The following RAP1GDS1 variants were observed in gnomAD, a reference collection of about 807,000 sequenced individuals.
RAP1GDS1 encodes RAP1, GTP-GDP dissociation stimulator 1.
In RAP1GDS1, 35 loss-of-function variants were observed where a neutral mutation model predicts 71.1. The observed-to-expected ratio is 0.49, with a 90% confidence interval of 0.38 to 0.65. The LOEUF is 0.65. RAP1GDS1 is among the 30% of genes least tolerant of loss of function. RAP1GDS1 has a pLI of 0.00. For synonymous variants in RAP1GDS1, 229 were observed against 243.1 expected (o/e 0.94, Z 0.54); for missense variants, 663 against 706.1 (o/e 0.94, Z 0.69).
At chr4:98,401,192 A>G (rs770173562) in intron 6 of RAP1GDS1, among the ~76,000 whole-genome samples, 1 of 152,228 alleles carries the variant, frequency 6.6e-6, no homozygotes, top group Non-Finnish European at 1.5e-5. Context: ...TCTTACAGGA[A>G]ATGAAATTGA....
chr4:98,348,419 G>A (rs1198085712), intron 3 of RAP1GDS1, among the ~76,000 whole-genome samples: 1 of 152,174 alleles, frequency 6.6e-6, no homozygotes, highest in Non-Finnish European at 1.5e-5. Context: ...TAGTGCCACA[G>A]TAAACATACG....
At chr4:98,337,138 G>C (rs1003561066) in intron 2 of RAP1GDS1, among the ~76,000 whole-genome samples, 1 of 151,992 alleles carries the variant, frequency 6.6e-6, no homozygotes, top group African/African-American at 2.4e-5. Flanking sequence ...CAACTGATCC[G>C]CCCACCTTGG....
chr4:98,348,100 T>C (rs973134519), intron 3 of RAP1GDS1, among the ~76,000 whole-genome samples: 17 of 152,292 alleles, frequency 1.1e-4, no homozygotes, highest in African/African-American at 3.9e-4. Flanking sequence ...TATCTCCTAA[T>C]GCTATCCCTC....
intron 14 of RAP1GDS1, 91 bp from the exon 15 acceptor site, chr4:98,441,899 T>C: frequency 7.2e-7 from 1 of 1,392,190 alleles, no homozygotes. Context: ...TTTATAAGCT[T>C]AGTCTTGTCA....
intron 2 of RAP1GDS1, among the ~76,000 whole-genome samples, chr4:98,317,451 A>G (rs1358382400): frequency 1.3e-5 from 2 of 152,146 alleles, no homozygotes; most frequent in East Asian, 3.9e-4. Flanking sequence ...TTCGGGGCTA[A>G]GGTCATATTG....
chr4:98,302,056 A>G (rs1472211583), intron 2 of RAP1GDS1, among the ~76,000 whole-genome samples: 1 of 152,196 alleles, frequency 6.6e-6, no homozygotes, highest in Non-Finnish European at 1.5e-5. Flanking sequence ...TTATACACTG[A>G]ATAGGAAATT....
intron 2 of RAP1GDS1, among the ~76,000 whole-genome samples, chr4:98,296,479 G>C (rs1173404962): frequency 6.6e-6 from 1 of 151,852 alleles, no homozygotes; most frequent in Non-Finnish European, 1.5e-5. Flanking sequence ...ATACTTACTA[G>C]ATTTTATGAA....
intron 2 of RAP1GDS1, among the ~76,000 whole-genome samples, chr4:98,296,192 T>C (rs1727723372): frequency 6.6e-6 from 1 of 152,086 alleles, no homozygotes; most frequent in South Asian, 2.1e-4. Context: ...AAGATGGTAA[T>C]GTATGTAATG....
chr4:98,416,334 GTTTTTT>G (rs70955932), intron 7 of RAP1GDS1, among the ~76,000 whole-genome samples: 1 of 51,554 alleles, frequency 1.9e-5, no homozygotes, highest in Non-Finnish European at 3.5e-5. Flanking sequence ...CATTTTCTTA[GTTTTTT>G]TTTTTTTTTT....
intron 4 of RAP1GDS1, 72 bp from the exon 5 acceptor site, chr4:98,378,945 A>G: frequency 7.6e-7 from 1 of 1,319,032 alleles, no homozygotes; most frequent in Non-Finnish European, 1.0e-6. Flanking sequence ...TAACACTGTT[A>G]TGTTTTGTAT....
intron 4 of RAP1GDS1, among the ~76,000 whole-genome samples, chr4:98,368,721 C>T (rs1302216613): frequency 6.6e-6 from 1 of 151,982 alleles, no homozygotes; most frequent in East Asian, 1.9e-4. Context: ...AAAAGTTATA[C>T]ATTTAAAATT....
intron 7 of RAP1GDS1, among the ~76,000 whole-genome samples, chr4:98,407,103 A>C (rs1578767571): frequency 6.6e-6 from 1 of 152,104 alleles, no homozygotes; most frequent in African/African-American, 2.4e-5. Flanking sequence ...CCAAAAAACC[A>C]CAAGGTAATT....
At chr4:98,308,226 A>G (rs866296519) in intron 2 of RAP1GDS1, among the ~76,000 whole-genome samples, 17 of 148,138 alleles carry the variant, frequency 1.1e-4, no homozygotes, top group African/African-American at 4.0e-4. Context: ...GTATATACAT[A>G]TATGTGCATA....
chr4:98,380,808 AAG>A (rs1741890194), intron 5 of RAP1GDS1, among the ~76,000 whole-genome samples: 1 of 151,808 alleles, frequency 6.6e-6, no homozygotes, highest in Non-Finnish European at 1.5e-5. Flanking sequence ...ATATAAATGA[AAG>A]AAATTTTAAG....
At chr4:98,430,439 C>A (rs1429205829) in intron 12 of RAP1GDS1, among the ~76,000 whole-genome samples, 1 of 152,168 alleles carries the variant, frequency 6.6e-6, no homozygotes, top group African/African-American at 2.4e-5. Context: ...ACCAGTGTTA[C>A]AGTAGACATG....
chr4:98,416,937 T>G, intron 8 of RAP1GDS1, 49 bp downstream of exon 8: 1 of 1,578,650 alleles, frequency 6.3e-7, no homozygotes, highest in Non-Finnish European at 8.6e-7. Flanking sequence ...CAGATGTTTT[T>G]AAAATTTATT....
At chr4:98,349,981 G>T (rs2110415371) in intron 3 of RAP1GDS1, among the ~76,000 whole-genome samples, 2 of 152,258 alleles carry the variant, frequency 1.3e-5, no homozygotes, top group South Asian at 4.1e-4. Context: ...ACTTTATCCA[G>T]AGACTGACAG....
Position 98,262,891 on chromosome 4 carries a change from A to G in RAP1GDS1, c.4+1322A>G, listed in dbSNP as rs73832188. 3.8e-3 allele frequency among the ~76,000 whole-genome samples: 581 copies of G among 152,304 alleles called. 6 individuals are homozygous for G. Among genetic ancestry groups the G allele is most frequent in the African/African-American group, 0.013 (555 of 41,564 alleles). On this transcript the variant is annotated intron_variant, in intron 1 of 14. Coordinates refer to ENST00000408927, the MANE Select transcript of RAP1GDS1 (RefSeq NM_001100427.2). ...ATCTGGAAGAGGCCAGGGTTGACGG[A>G]GGAGGTGGTATGAATCAAAAAAGGT...
intron 6 of RAP1GDS1, among the ~76,000 whole-genome samples, chr4:98,397,525 A>G (rs1364418626): frequency 6.6e-6 from 1 of 152,136 alleles, no homozygotes; most frequent in Admixed American, 6.6e-5. Flanking sequence ...GGAAGGGAAT[A>G]AAAAAGAAAA....
Sources: allele counts gnomAD v4.1 joint callset (sites outside exome capture counted in the v4.1 genomes callset), GRCh38; gene constraint gnomAD v4.1.1; transcripts MANE v1.5; gene names NCBI Gene and HGNC (gene_info 2026-07-23, HGNC 2026-07-21).